The following ANKRD6 variants were observed in gnomAD, a reference collection of about 807,000 sequenced individuals.
ANKRD6 encodes ankyrin repeat domain-containing protein 6.
A neutral mutation model predicts 82.3 loss-of-function variants in ANKRD6; 56 were observed. The observed-to-expected ratio is 0.68, with a 90% CI of 0.55 to 0.85. The LOEUF (loss-of-function observed/expected upper bound fraction) is 0.85. Among genes scored for constraint, ANKRD6 ranks in the 40% least tolerant of loss-of-function variants. The probability of loss-of-function intolerance (pLI) is 0.00; values close to 1 mark genes in which losing one functional copy is unlikely to be tolerated. For synonymous variants in ANKRD6, 347 were observed against 352.1 expected (o/e 0.99, Z 0.16); for missense variants, 852 against 907.6 (o/e 0.94, Z 0.79).
intron 1 of ANKRD6, among the ~76,000 whole-genome samples, chr6:89,525,596 C>T (rs1782397127): frequency 6.6e-6 from 1 of 152,110 alleles, no homozygotes; most frequent in Admixed American, 6.6e-5. Flanking sequence ...TCTCTTTTTG[C>T]ATAGGGAAGG....
chr6:89,491,789 TA>T (rs2127843888), intron 1 of ANKRD6, among the ~76,000 whole-genome samples: 1 of 151,480 alleles, frequency 6.6e-6, no homozygotes, highest in African/African-American at 2.4e-5. Flanking sequence ...AAGTATAATT[TA>T]AAAAAATAAT....
At chr6:89,500,420 T>C (rs1416437848) in intron 1 of ANKRD6, among the ~76,000 whole-genome samples, 2 of 152,174 alleles carry the variant, frequency 1.3e-5, no homozygotes, top group Non-Finnish European at 2.9e-5. Flanking sequence ...ATGGAATGAA[T>C]ATACCATGGT....
chr6:89,488,535 C>T (rs1423564670), intron 1 of ANKRD6, among the ~76,000 whole-genome samples: 1 of 152,158 alleles, frequency 6.6e-6, no homozygotes, highest in African/African-American at 2.4e-5. Flanking sequence ...GTTAGATTCT[C>T]ATTAAGAACA....
intron 2 of ANKRD6, 49 bp from the exon 3 acceptor site, chr6:89,595,867 G>A: frequency 6.8e-7 from 1 of 1,460,602 alleles, no homozygotes; most frequent in Non-Finnish European, 9.4e-7. Flanking sequence ...TCCCAAGGGA[G>A]TAGCATTGAG....
chr6:89,629,493 G>T (rs1441558667), intron 15 of ANKRD6: 3 of 493,582 alleles, frequency 6.1e-6, no homozygotes, highest in Non-Finnish European at 1.1e-5. Context: ...TGATAACATT[G>T]CCTTGAGTAC....
At chr6:89,586,303 A>G (rs1306900886) in intron 2 of ANKRD6, among the ~76,000 whole-genome samples, 1 of 152,180 alleles carries the variant, frequency 6.6e-6, no homozygotes, top group South Asian at 2.1e-4. Context: ...TTTGTTAGAA[A>G]CCAGAAGAGA....
intron 1 of ANKRD6, among the ~76,000 whole-genome samples, chr6:89,549,423 G>A (rs7451918): frequency 0.55 from 73,784 of 134,856 alleles, 19,430 homozygotes; most frequent in South Asian, 0.73. Flanking sequence ...CCTTCTGTCC[G>A]TAGCTATGTG....
At chr6:89,611,319 G>A (rs979860615) in intron 5 of ANKRD6, among the ~76,000 whole-genome samples, 3 of 152,154 alleles carry the variant, frequency 2.0e-5, no homozygotes, top group African/African-American at 7.2e-5. Flanking sequence ...CTGAGCCCAC[G>A]CACCTGCAAG....
chr6:89,541,802 A>G lies in ANKRD6; in HGVS notation c.-143-25032A>G, dbSNP rs557249877. On this transcript the variant is annotated intron_variant, in intron 1 of 15. Coordinates refer to ENST00000339746, the MANE Select transcript of ANKRD6 (RefSeq NM_001242809.2). ...CTATATATAGTTTTCATAGAGATATATATATATAGTTTTATATATATCTTA... is the reference window on the plus strand; with the variant it reads ...CTATATATAGTTTTCATAGAGATATGTATATATAGTTTTATATATATCTTA... Among the ~76,000 whole-genome samples, 30 of 151,544 alleles carry G rather than the reference A, an allele frequency of 2.0e-4. No homozygotes were observed. In the East Asian group the frequency reaches 5.6e-3, roughly 28 times the overall value.
Position 89,631,665 on chromosome 6 carries a change from T to C in ANKRD6, c.*661T>C, listed in dbSNP as rs1310820047. 1 of 152,188 alleles carries C rather than the reference T, an allele frequency of 6.6e-6. No individual in the cohort carries two copies. Among genetic ancestry groups the C allele is most frequent in the Non-Finnish European group, 1.5e-5 (1 of 68,020 alleles). 9.4% of individuals were successfully genotyped at this position (152,188 alleles called of 1,614,324 possible). On this transcript the variant is annotated 3_prime_UTR_variant, in exon 16 of 16. Coordinates refer to ENST00000339746, the MANE Select transcript of ANKRD6 (RefSeq NM_001242809.2). ...AATTGGCTAACAGCTCTGGAAACAATGAGATCAAATGAGAAAGATTCAAAT... is the reference window on the plus strand; with the variant it reads ...AATTGGCTAACAGCTCTGGAAACAACGAGATCAAATGAGAAAGATTCAAAT...
chr6:89,531,271 T>G (rs1783110677), intron 1 of ANKRD6, among the ~76,000 whole-genome samples: 1 of 152,144 alleles, frequency 6.6e-6, no homozygotes, highest in African/African-American at 2.4e-5. Context: ...GGAAAGGAGG[T>G]AGCGGAAACA....
chr6:89,492,139 A>G (rs899267832), intron 1 of ANKRD6, among the ~76,000 whole-genome samples: 2 of 152,244 alleles, frequency 1.3e-5, no homozygotes, highest in African/African-American at 4.8e-5. Flanking sequence ...TGAACCTAGC[A>G]TGGGTAAGGA....
chr6:89,503,342 G>A (rs1656809845), intron 1 of ANKRD6, among the ~76,000 whole-genome samples: 2 of 152,176 alleles, frequency 1.3e-5, no homozygotes, highest in African/African-American at 2.4e-5. Context: ...GGGCAGAGAG[G>A]ACAGAAAGCC....
chr6:89,495,636 A>G (rs1467274742), intron 1 of ANKRD6, among the ~76,000 whole-genome samples: 2 of 152,248 alleles, frequency 1.3e-5, no homozygotes, highest in Non-Finnish European at 2.9e-5. Flanking sequence ...CCGTTGGCTC[A>G]TTTTTCTACT....
At chr6:89,579,573 C>G (rs1216085945) in intron 2 of ANKRD6, among the ~76,000 whole-genome samples, 1 of 151,740 alleles carries the variant, frequency 6.6e-6, no homozygotes, top group Non-Finnish European at 1.5e-5. Context: ...GAGTTCAAGA[C>G]TAGTGAAATT....
chr6:89,558,690 A>G (rs1053164611), intron 1 of ANKRD6, among the ~76,000 whole-genome samples: 22 of 152,172 alleles, frequency 1.4e-4, no homozygotes, highest in Admixed American at 6.5e-4. Context: ...GAACTGTACA[A>G]CACAGAGTGA....
At chr6:89,620,802 A>G (rs904074011) in intron 9 of ANKRD6, among the ~76,000 whole-genome samples, 4 of 152,124 alleles carry the variant, frequency 2.6e-5, no homozygotes, top group African/African-American at 9.7e-5. Context: ...GCGGTGGCTC[A>G]TGCCTGTAAT....
chr6:89,574,973 T>C (rs923224422), intron 2 of ANKRD6, among the ~76,000 whole-genome samples: 1 of 152,210 alleles, frequency 6.6e-6, no homozygotes, highest in Non-Finnish European at 1.5e-5. Flanking sequence ...TCCATTTTTA[T>C]GCTTAGGTTC....
intron 1 of ANKRD6, among the ~76,000 whole-genome samples, chr6:89,454,341 T>C (rs750488161): frequency 6.2e-4 from 95 of 152,252 alleles, no homozygotes; most frequent in Non-Finnish European, 1.5e-5. Context: ...ATTTCTTTGC[T>C]ACACTTTCAT....
Sources: gnomAD v4.1 joint callset for allele counts (sites outside exome capture counted in the v4.1 genomes callset) on GRCh38, gnomAD v4.1.1 for gene constraint, MANE v1.5 for transcripts, NCBI Gene and HGNC (gene_info 2026-07-23, HGNC 2026-07-21) for gene names.